Variants in DAW1 observed in about 807,000 individuals in gnomAD.
The protein encoded by DAW1 is dynein assembly factor with WD repeat domains 1.
Under a neutral mutation model 56.5 loss-of-function variants are expected in DAW1, and 47 were observed. The observed-to-expected ratio is 0.83, with a 90% CI of 0.66 to 1.06. The LOEUF (loss-of-function observed/expected upper bound fraction) is 1.06, where lower values mean the gene tolerates loss of function less well. Ranked by LOEUF, DAW1 falls within the 50% of genes least tolerant of loss-of-function variation. The probability of loss-of-function intolerance (pLI) is 0.00; values close to 1 mark genes in which losing one functional copy is unlikely to be tolerated. For synonymous variants in DAW1, 190 were observed against 179.0 expected (o/e 1.06, Z -0.49); for missense variants, 505 against 499.3 (o/e 1.01, Z -0.11).
At chr2:227,872,315 A>G (rs1690775207) in intron 1 of DAW1, 1 of 151,960 alleles carries the variant, frequency 6.6e-6, no homozygotes. Context: ...AAAAATCTGC[A>G]AAACATACCA....
intron 1 of DAW1, chr2:227,876,396 G>A (rs1690884112): frequency 1.6e-6 from 2 of 1,264,434 alleles, no homozygotes; most frequent in African/African-American, 1.5e-5. Context: ...ATCTTATAAT[G>A]AGGTCATATT....
In DAW1 at chr2:227,918,784, A is replaced by T. The variant is rs1251253073; in HGVS notation, c.978A>T (p.Thr326=). 3 of 1,614,074 alleles carry T rather than the reference A, an allele frequency of 1.9e-6. No individual in the cohort carries two copies. The African/African-American group carries it at 4.0e-5, about 22-fold the overall frequency. Residue 326 remains threonine, a synonymous_variant, in exon 11 of 13, where the codon ACA becomes ACT. Coordinates refer to ENST00000309931, the MANE Select transcript of DAW1 (RefSeq NM_178821.3). ...KLIATASADG[T]ARIFSAATRK... ...ATCCCCACCCCTCTCAAAAAGGAAC[A>T]GCAAGAATTTTCAGTGCTGCCACAA...
Position 227,871,641 on chromosome 2 carries a change from C to T in DAW1, c.-49C>T. 4.4e-6 allele frequency: 7 copies of T among 1,603,302 alleles called. No individual in the cohort carries two copies. The highest frequency in any genetic ancestry group is 1.7e-5 in the Admixed American group (1 of 58,386). On this transcript the variant is annotated 5_prime_UTR_variant, in exon 1 of 13. Coordinates refer to ENST00000309931, the MANE Select transcript of DAW1 (RefSeq NM_178821.3). The stretch of plus-strand genomic sequence containing the variant: ...CACCCGCGTCCCGCTGCTGTTTAGC[C>T]GTTTCCAAGGCTACGAAGCCCATCG...
intron 1 of DAW1, among the ~76,000 whole-genome samples, chr2:227,874,337 T>G (rs1690825892): frequency 1.3e-5 from 2 of 152,232 alleles, no homozygotes; most frequent in South Asian, 4.1e-4. Context: ...TCTTATTTGA[T>G]TCTTTCTCTT....
chr2:227,912,433 C>T (rs887423455), intron 10 of DAW1: 1 of 1,304,698 alleles, frequency 7.7e-7, no homozygotes, highest in Admixed American at 2.3e-5. Flanking sequence ...GGACGTGATG[C>T]TAAACTATGC....
At chr2:227,902,948 T>A in intron 6 of DAW1, 54 bp from the exon 7 acceptor site, 2 of 1,547,932 alleles carry the variant, frequency 1.3e-6, no homozygotes, top group Non-Finnish European at 1.8e-6. Flanking sequence ...CTGTGTATAA[T>A]TAACACTTTG....
chr2:227,919,785 A>C (rs1112484), intron 11 of DAW1, among the ~76,000 whole-genome samples: 129,579 of 152,078 alleles, frequency 0.85, 55,375 homozygotes, highest in Middle Eastern at 0.96. Context: ...CCAGCTCAGC[A>C]CAATCCCTTG....
At position 227,871,749 on chromosome 2, in the gene DAW1, C is replaced by G; in HGVS notation, c.40+20C>G. Reference sequence around the variant, plus strand: ...CGCCAGGTACGCACCAGCCCGGCCCCGTCATCCCCACGTGGGACCCTGGGC... The same window carrying G: ...CGCCAGGTACGCACCAGCCCGGCCCGGTCATCCCCACGTGGGACCCTGGGC... On this transcript the variant is annotated intron_variant, in intron 1 of 12. Coordinates refer to ENST00000309931, the MANE Select transcript of DAW1 (RefSeq NM_178821.3). The G allele has an allele frequency of 6.2e-7, 1 of 1,613,562 alleles. No individual in the cohort carries two copies. Among genetic ancestry groups the G allele is most frequent in the Non-Finnish European group, 8.5e-7 (1 of 1,179,772 alleles).
At chr2:227,883,379 A>C (rs924254846) in intron 1 of DAW1, among the ~76,000 whole-genome samples, 1 of 152,250 alleles carries the variant, frequency 6.6e-6, no homozygotes, top group Non-Finnish European at 1.5e-5. Flanking sequence ...CAATATATGC[A>C]TAACTTAGTA....
intron 11 of DAW1, among the ~76,000 whole-genome samples, chr2:227,919,462 C>T (rs886622850): frequency 1.8e-4 from 28 of 152,176 alleles, no homozygotes; most frequent in South Asian, 2.1e-4. Flanking sequence ...ATTTAAGGAG[C>T]GTGTAAACTG....
intron 6 of DAW1, among the ~76,000 whole-genome samples, chr2:227,899,497 C>G (rs1170457453): frequency 2.0e-5 from 3 of 152,204 alleles, no homozygotes; most frequent in Non-Finnish European, 4.4e-5. Flanking sequence ...ATATAACCAC[C>G]TCTCCTGTAA....
intron 1 of DAW1, among the ~76,000 whole-genome samples, chr2:227,874,844 T>A (rs1411945176): frequency 6.6e-6 from 1 of 152,130 alleles, no homozygotes; most frequent in Non-Finnish European, 1.5e-5. Flanking sequence ...GGGTCTGTAA[T>A]CCCAGCTACT....
Position 227,898,207 on chromosome 2 carries a change from G to T in DAW1, c.466G>T (p.Asp156Tyr), listed in dbSNP as rs150979373. The T allele has an allele frequency of 1.9e-6, 3 of 1,573,994 alleles. No homozygotes were observed. The highest frequency in any genetic ancestry group is 2.6e-6 in the Non-Finnish European group (3 of 1,157,438). Residue 156 changes from aspartate (D) to tyrosine (Y), a missense_variant, in exon 6 of 13, where the codon GAT (aspartate) becomes TAT (tyrosine). Physicochemically the swap from Asp to Tyr is radical, Grantham distance 160. Transcript: ENST00000309931. The stretch of plus-strand genomic sequence containing the variant: ...TGACAAAATCGCCACTGGGTCCTTT[G>T]ATAAAACTTGTAAACTCTGGAGTGT... ...YGDKIATGSF[D>Y]KTCKLWSVET...
chr2:227,918,091 G>A (rs1469314426), intron 10 of DAW1, among the ~76,000 whole-genome samples: 1 of 149,812 alleles, frequency 6.7e-6, no homozygotes, highest in African/African-American at 2.5e-5. Flanking sequence ...TACTGATGAG[G>A]AAATGTCCAT....
rs1176635938 is a variant in DAW1 at position 227,904,912 on chromosome 2, A to AT, written c.649-16dup. ...TTTATCTGCAGGTATACTTGACAGT[A>AT]TCTGCTCTTTTTCTAGGGACATTCT... On this transcript the variant is annotated splice_polypyrimidine_tract_variant and intron_variant, in intron 7 of 12. Transcript: ENST00000309931. The AT allele has an allele frequency of 6.2e-7, 1 of 1,603,072 alleles. No individual in the cohort carries two copies. Among genetic ancestry groups the AT allele is most frequent in the Non-Finnish European group, 8.5e-7 (1 of 1,171,240 alleles).
chr2:227,907,538 C>T (rs976551117), intron 10 of DAW1, among the ~76,000 whole-genome samples: 1 of 151,998 alleles, frequency 6.6e-6, no homozygotes, highest in African/African-American at 2.4e-5. Context: ...TGGGTCATCT[C>T]CCTGATTTTT....
intron 6 of DAW1, among the ~76,000 whole-genome samples, chr2:227,898,873 T>C (rs370394568): frequency 1.2e-4 from 19 of 152,196 alleles, no homozygotes; most frequent in African/African-American, 4.6e-4. Context: ...TACTTTTTAA[T>C]TGGCTTTTCT....
chr2:227,916,801 G>T lies in DAW1; in HGVS notation c.974-1979G>T, dbSNP rs370939552. Among the ~76,000 whole-genome samples the T allele has an allele frequency of 2.6e-5, 4 of 152,048 alleles. No homozygotes were observed. In the East Asian group the frequency reaches 7.7e-4, roughly 29 times the overall value. ...ACACATCAGGCTATACTATGTCTGC[G>T]TTATCTCCTTTAAATCCTCATATGA... On this transcript the variant is annotated intron_variant, in intron 10 of 12. Coordinates refer to ENST00000309931, the MANE Select transcript of DAW1 (RefSeq NM_178821.3).
chr2:227,908,229 A>G (rs1402210015), intron 10 of DAW1, among the ~76,000 whole-genome samples: 1 of 152,198 alleles, frequency 6.6e-6, no homozygotes, highest in African/African-American at 2.4e-5. Flanking sequence ...AAAGTTGCAT[A>G]TTATGCTATA....
Sources: allele counts gnomAD v4.1 joint callset (sites outside exome capture counted in the v4.1 genomes callset), GRCh38; gene constraint gnomAD v4.1.1; transcripts MANE v1.5; gene names NCBI Gene and HGNC (gene_info 2026-07-23, HGNC 2026-07-21).